The following RALYL variants were observed in gnomAD, a reference collection of about 807,000 sequenced individuals.
The protein encoded by RALYL is RNA-binding Raly-like protein.
In RALYL, 29 loss-of-function variants were observed where a neutral mutation model predicts 35.1. The ratio of observed to expected loss-of-function variants is 0.83; its 90% CI spans 0.61 to 1.13. The LOEUF (loss-of-function observed/expected upper bound fraction) is 1.13. Ranked by LOEUF, RALYL falls within the 50% of genes most tolerant of loss-of-function variation. The pLI is 0.00. For synonymous variants in RALYL, 120 were observed against 127.6 expected (o/e 0.94, Z 0.40); for missense variants, 359 against 360.4 (o/e 1.00, Z 0.03).
chr8:84,495,812 A>C (rs2055942828), intron 1 of RALYL, among the ~76,000 whole-genome samples: 1 of 152,122 alleles, frequency 6.6e-6, no homozygotes, highest in African/African-American at 2.4e-5. Flanking sequence ...AAATGCATAA[A>C]GTGTCTCTTC....
chr8:84,732,399 G>A (rs1846343195), intron 2 of RALYL, among the ~76,000 whole-genome samples: 1 of 151,864 alleles, frequency 6.6e-6, no homozygotes, highest in African/African-American at 2.4e-5. Flanking sequence ...TTTTCCATTG[G>A]ATGAAGAAGG....
At chr8:84,538,887 A>G (rs1371014454) in intron 2 of RALYL, among the ~76,000 whole-genome samples, 1 of 152,240 alleles carries the variant, frequency 6.6e-6, no homozygotes, top group Non-Finnish European at 1.5e-5. Flanking sequence ...TTAAATAAAA[A>G]GTATTATAAG....
At chr8:84,681,408 G>T (rs1835459785) in intron 2 of RALYL, among the ~76,000 whole-genome samples, 1 of 152,144 alleles carries the variant, frequency 6.6e-6, no homozygotes, top group Non-Finnish European at 1.5e-5. Flanking sequence ...TAGCTTGATG[G>T]GGATGGCATT....
At chr8:84,578,855 G>C (rs894468283) in intron 2 of RALYL, among the ~76,000 whole-genome samples, 1 of 152,192 alleles carries the variant, frequency 6.6e-6, no homozygotes, top group Non-Finnish European at 1.5e-5. Flanking sequence ...CAAAAGGGAG[G>C]AAGTGCATGC....
At chr8:84,897,165 A>T (rs183438270) in intron 8 of RALYL, among the ~76,000 whole-genome samples, 1 of 152,192 alleles carries the variant, frequency 6.6e-6, no homozygotes, top group Non-Finnish European at 1.5e-5. Context: ...CGATTAAAAA[A>T]TATAATGCAT....
chr8:84,668,740 T>C (rs759067965), intron 2 of RALYL, among the ~76,000 whole-genome samples: 5 of 152,154 alleles, frequency 3.3e-5, no homozygotes, highest in Non-Finnish European at 7.4e-5. Context: ...ATGACTGTTA[T>C]TAGAGCTTGG....
At chr8:84,322,987 G>A (rs1267596214) in intron 1 of RALYL, among the ~76,000 whole-genome samples, 1 of 152,080 alleles carries the variant, frequency 6.6e-6, no homozygotes, top group Non-Finnish European at 1.5e-5. Flanking sequence ...GTAATGGGAT[G>A]AAGATTGAGA....
At chr8:84,305,128 A>G (rs1323104467) in intron 1 of RALYL, among the ~76,000 whole-genome samples, 2 of 152,210 alleles carry the variant, frequency 1.3e-5, no homozygotes, top group East Asian at 3.8e-4. Context: ...AGATGTATGA[A>G]CTATTAAGTA....
At chr8:84,678,985 G>A (rs2131938161) in intron 2 of RALYL, 1 of 276,878 alleles carries the variant, frequency 3.6e-6, no homozygotes, top group Admixed American at 4.2e-5. Flanking sequence ...AATTATCTCA[G>A]TAGTGTTAAA....
chr8:84,364,639 G>T (rs1212656247), intron 1 of RALYL, among the ~76,000 whole-genome samples: 1 of 152,070 alleles, frequency 6.6e-6, no homozygotes, highest in Non-Finnish European at 1.5e-5. Context: ...ACTGAATTAT[G>T]TGTGTAAAAG....
chr8:84,757,583 T>C (rs1014151008), intron 2 of RALYL, among the ~76,000 whole-genome samples: 5 of 152,120 alleles, frequency 3.3e-5, no homozygotes, highest in Admixed American at 6.6e-5. Flanking sequence ...TAAAAGAACT[T>C]GTGAGCACTG....
At chr8:84,277,492 C>A (rs185896246) in intron 1 of RALYL, among the ~76,000 whole-genome samples, 2 of 152,128 alleles carry the variant, frequency 1.3e-5, no homozygotes, top group Non-Finnish European at 2.9e-5. Context: ...ATTTCAAAAC[C>A]AATCATGCCT....
chr8:84,509,796 T>C (rs2057461355), intron 1 of RALYL, among the ~76,000 whole-genome samples: 1 of 152,186 alleles, frequency 6.6e-6, no homozygotes, highest in Non-Finnish European at 1.5e-5. Context: ...ATAGTTTTGC[T>C]TTTGCTACTT....
intron 2 of RALYL, among the ~76,000 whole-genome samples, chr8:84,651,809 A>G (rs961737384): frequency 1.1e-4 from 16 of 152,108 alleles, no homozygotes; most frequent in Admixed American, 9.2e-4. Flanking sequence ...TATTGAGCCA[A>G]TTGTTGGAAA....
intron 1 of RALYL, among the ~76,000 whole-genome samples, chr8:84,321,834 G>A (rs1331296297): frequency 1.3e-5 from 2 of 152,030 alleles, no homozygotes; most frequent in Non-Finnish European, 2.9e-5. Flanking sequence ...TAAAGAAATG[G>A]TGACAAATAT....
At chr8:84,570,199 T>C (rs1807592836) in intron 2 of RALYL, among the ~76,000 whole-genome samples, 1 of 151,962 alleles carries the variant, frequency 6.6e-6, no homozygotes, top group South Asian at 2.1e-4. Context: ...TTAACAATAT[T>C]GATACTTTCA....
chr8:84,734,096 G>A (rs2132913194), intron 2 of RALYL, among the ~76,000 whole-genome samples: 1 of 152,278 alleles, frequency 6.6e-6, no homozygotes, highest in East Asian at 1.9e-4. Context: ...TATGCAGACA[G>A]ACTGTAATAT....
chr8:84,399,938 G>A lies in RALYL; in HGVS notation c.-23-129361G>A, dbSNP rs1490122224. On this transcript the variant is annotated intron_variant, in intron 1 of 8. Coordinates refer to ENST00000521268, the MANE Select transcript of RALYL (RefSeq NM_173848.7). ...TCCAGACCAGCCTGGCCAACATGGC[G>A]AAACCCTGTCTCTACTAAAAATAGA... 7.2e-5 allele frequency among the ~76,000 whole-genome samples: 11 copies of A among 152,156 alleles called. No individual in the cohort carries two copies. In the East Asian group the frequency reaches 1.4e-3, roughly 19 times the overall value.
chr8:84,483,912 CT>C (rs1369053066), intron 1 of RALYL, among the ~76,000 whole-genome samples: 1 of 152,034 alleles, frequency 6.6e-6, no homozygotes, highest in Non-Finnish European at 1.5e-5. Context: ...ATATGTTTAG[CT>C]CTCCTTTTGG....
Sources: gnomAD v4.1 joint callset for allele counts (sites outside exome capture counted in the v4.1 genomes callset) on GRCh38, gnomAD v4.1.1 for gene constraint, MANE v1.5 for transcripts, NCBI Gene and HGNC (gene_info 2026-07-23, HGNC 2026-07-21) for gene names.